WDSUB1: variants seen among roughly 807,000 people sequenced by gnomAD.
WDSUB1 encodes WD repeat, SAM and U-box domain-containing protein 1.
In WDSUB1, 49 loss-of-function variants were observed where a neutral mutation model predicts 53.9. The observed-to-expected ratio is 0.91, with a 90% CI of 0.72 to 1.15. The LOEUF (loss-of-function observed/expected upper bound fraction) is 1.15, where lower values mean the gene tolerates loss of function less well. WDSUB1 is among the 50% of genes most tolerant of loss of function. The pLI is 0.00. For synonymous variants in WDSUB1, 194 were observed against 200.6 expected (o/e 0.97, Z 0.28); for missense variants, 514 against 562.0 (o/e 0.91, Z 0.86).
intron 3 of WDSUB1, among the ~76,000 whole-genome samples, chr2:159,279,194 C>G (rs944981881): frequency 6.6e-6 from 1 of 152,088 alleles, no homozygotes; most frequent in African/African-American, 2.4e-5. Context: ...TCCACTAACA[C>G]GGAAAATGAA....
At chr2:159,262,845 T>G (rs966785144) in intron 5 of WDSUB1, among the ~76,000 whole-genome samples, 1 of 152,164 alleles carries the variant, frequency 6.6e-6, no homozygotes, top group African/African-American at 2.4e-5. Flanking sequence ...CAACAACCAC[T>G]AAACAAAAAA....
intron 1 of WDSUB1, among the ~76,000 whole-genome samples, chr2:159,284,132 G>A (rs2061736788): frequency 6.6e-6 from 1 of 152,032 alleles, no homozygotes; most frequent in Non-Finnish European, 1.5e-5. Flanking sequence ...TGTTTTAAAG[G>A]ACAACCTGTT....
chr2:159,264,816 G>GTTCA (rs2151110741), intron 5 of WDSUB1, among the ~76,000 whole-genome samples: 1 of 152,262 alleles, frequency 6.6e-6, no homozygotes, highest in South Asian at 2.1e-4. Context: ...AGGCGCAGTG[G>GTTCA]TTCACATTTC....
intron 10 of WDSUB1, 48 bp from the exon 11 acceptor site, chr2:159,236,238 G>A: frequency 6.4e-7 from 1 of 1,550,986 alleles, no homozygotes; most frequent in Non-Finnish European, 8.7e-7. Context: ...AAAGGGAAAT[G>A]AGGATGTCTA....
chr2:159,249,694 T>C (rs77151289), intron 9 of WDSUB1, among the ~76,000 whole-genome samples: 6,114 of 152,140 alleles, frequency 0.04, 396 homozygotes, highest in African/African-American at 0.14. Flanking sequence ...AGCCCCCTCA[T>C]AAGACTGGGG....
Position 159,236,084 on chromosome 2 carries a change from A to G in WDSUB1, c.1380T>C (p.Asn460=). The G allele has an allele frequency of 6.2e-7, 1 of 1,613,734 alleles. No individual in the cohort carries two copies. The highest frequency in any genetic ancestry group is 1.7e-5 in the Admixed American group (1 of 59,984). The change falls in exon 11 of 11, where the codon AAT becomes AAC. Residue 460 remains asparagine (N), a synonymous_variant. Transcript: ENST00000359774. ...LVLPSAVLTP[N]RTLKMAINRW... is the part of the protein sequence containing the mutation. ...TATTGATGGCCATTTTCAGAGTCCTATTTGGTGTAAGTACCGCTGAAGGAA... is the reference window on the plus strand; with the variant it reads ...TATTGATGGCCATTTTCAGAGTCCTGTTTGGTGTAAGTACCGCTGAAGGAA...
chr2:159,265,321 ACTCT>A (rs1160620139), intron 5 of WDSUB1, among the ~76,000 whole-genome samples: 31 of 147,020 alleles, frequency 2.1e-4, no homozygotes, highest in South Asian at 8.8e-4. Flanking sequence ...ACACACACTC[ACTCT>A]CTCTCTTTTC....
chr2:159,275,661 A>G, intron 3 of WDSUB1, 23 bp from the exon 4 acceptor site: 1 of 1,557,692 alleles, frequency 6.4e-7, no homozygotes, highest in Non-Finnish European at 8.7e-7. Flanking sequence ...AAAAATAAAT[A>G]CAGAGAATTT....
chr2:159,261,415 A>T (rs917480852), intron 5 of WDSUB1, among the ~76,000 whole-genome samples: 7 of 152,226 alleles, frequency 4.6e-5, no homozygotes, highest in African/African-American at 1.4e-4. Flanking sequence ...AAAAAGAATT[A>T]TAGCTTTCAA....
intron 4 of WDSUB1, among the ~76,000 whole-genome samples, chr2:159,274,823 G>A (rs1206051520): frequency 6.6e-6 from 1 of 152,098 alleles, no homozygotes; most frequent in African/African-American, 2.4e-5. Flanking sequence ...GAAAACAGAA[G>A]GGAACTTAAA....
chr2:159,237,419 G>A (rs1164282943), intron 10 of WDSUB1, among the ~76,000 whole-genome samples: 1 of 152,044 alleles, frequency 6.6e-6, no homozygotes, highest in Non-Finnish European at 1.5e-5. Context: ...TACTCAGGAG[G>A]CTGAGGCAGG....
Position 159,259,837 on chromosome 2 carries a change from C to A in WDSUB1, c.777G>T (p.Val259=). 6.6e-7 allele frequency: 1 copy of A among 1,525,004 alleles called. No homozygotes were observed. The highest frequency in any genetic ancestry group is 1.9e-5 in the Admixed American group (1 of 52,400). 94.5% of individuals were successfully genotyped at this position (1,525,004 alleles called of 1,614,324 possible). A position where few individuals can be genotyped will look rare whatever the true frequency, so the allele number is the denominator to read the frequency against. The change falls in exon 6 of 11, where the codon GTG becomes GTT. Residue 259 remains valine, a synonymous_variant. Coordinates refer to ENST00000359774, the MANE Select transcript of WDSUB1 (RefSeq NM_001128212.3). ...HDGQMLVSGS[V]DKSVIVYDTN... ...TATCATATACTATGACAGACTTATC[C>A]ACTGACCTTAAAAGAAAATAAATTA...
chr2:159,265,039 G>A (rs1212241197), intron 5 of WDSUB1, among the ~76,000 whole-genome samples: 6 of 150,242 alleles, frequency 4.0e-5, no homozygotes, highest in East Asian at 3.9e-4. Flanking sequence ...AGCTGAGATC[G>A]CGCCATTGCA....
chr2:159,258,122 T>C, intron 6 of WDSUB1, 137 bp from the exon 7 acceptor site: 2 of 742,288 alleles, frequency 2.7e-6, no homozygotes, highest in Non-Finnish European at 4.5e-6. Context: ...GTTGAAACTT[T>C]ACTCAATGAA....
At position 159,256,794 on chromosome 2, in the gene WDSUB1, A is replaced by G. The variant is rs189573223; in HGVS notation, c.953-419T>C. 9.7e-4 allele frequency among the ~76,000 whole-genome samples: 148 copies of G among 152,326 alleles called. 2 individuals are homozygous for G. Among genetic ancestry groups the G allele is most frequent in the South Asian group, 8.3e-4 (4 of 4,826 alleles). ...AATAAAACTCCTAAATTATGTGCCA[A>G]TGTCGCTTGATGCCAAAATAAAACC... On this transcript the variant is annotated intron_variant, in intron 8 of 10. Transcript: ENST00000359774.
intron 10 of WDSUB1, among the ~76,000 whole-genome samples, chr2:159,238,635 G>A (rs1156945029): frequency 6.6e-6 from 1 of 152,172 alleles, no homozygotes; most frequent in Non-Finnish European, 1.5e-5. Context: ...AAATGTACAT[G>A]GATCGATTTC....
At chr2:159,258,650 GTC>G in intron 6 of WDSUB1, among the ~76,000 whole-genome samples, 1 of 152,028 alleles carries the variant, frequency 6.6e-6, no homozygotes, top group East Asian at 1.9e-4. Flanking sequence ...AGGAGCAAGA[GTC>G]TGTCTCAAAA....
At chr2:159,280,331 A>C (rs1277984459) in intron 2 of WDSUB1, among the ~76,000 whole-genome samples, 1 of 152,216 alleles carries the variant, frequency 6.6e-6, no homozygotes, top group Non-Finnish European at 1.5e-5. Context: ...AAAAGGTAAG[A>C]TAAAACTATT....
intron 9 of WDSUB1, 30 bp from the exon 10 acceptor site, chr2:159,248,542 AACTACTAGTAATCCTTACTACTAGGAT>A (rs773485363): frequency 6.8e-6 from 10 of 1,474,130 alleles, no homozygotes; most frequent in Non-Finnish European, 9.0e-6. Flanking sequence ...AGGGCTGGAT[AACTACTAGTAATCCTTACTACTAGGAT>A]ACTACCAGTA....
Sources: allele counts gnomAD v4.1 joint callset (sites outside exome capture counted in the v4.1 genomes callset), GRCh38; gene constraint gnomAD v4.1.1; transcripts MANE v1.5; gene names NCBI Gene and HGNC (gene_info 2026-07-23, HGNC 2026-07-21).